The following LDB2 variants were observed in gnomAD, a reference collection of about 807,000 sequenced individuals.
LDB2 encodes the protein LIM domain binding 2.
A neutral mutation model predicts 44.3 loss-of-function variants in LDB2; 12 were observed. The ratio of observed to expected loss-of-function variants is 0.27; its 90% CI spans 0.17 to 0.44. The LOEUF (loss-of-function observed/expected upper bound fraction) is 0.44, where lower values mean the gene tolerates loss of function less well. LDB2 is among the 20% of genes least tolerant of loss of function. The pLI is 1.00. For missense variants in LDB2, 344 were observed against 473.5 expected, an observed-to-expected ratio of 0.73 and a Z score of 2.54; for synonymous variants, 164 against 174.8, an observed-to-expected ratio of 0.94 and a Z score of 0.49.
rs1560554860 is a variant in LDB2, at chr4:16,586,546, CACACAT to C, written c.532-547_532-542del. Among the ~76,000 whole-genome samples, 916 of 135,930 alleles carry C rather than the reference CACACAT, an allele frequency of 6.7e-3. 11 individuals carry two copies. Among genetic ancestry groups the C allele is most frequent in the African/African-American group, 0.023 (872 of 37,996 alleles). The allele number at this position is 135,930 out of a possible 152,430, so 89.2% of individuals were successfully genotyped here. A position where few individuals can be genotyped will look rare whatever the true frequency, so the allele number is the denominator to read the frequency against. ...CACACAAAACACACACACACACACA[CACACAT>C]ATATATGGAGAGACAGAATTCTCAC... is the stretch of plus-strand genomic sequence containing the variant. On this transcript the variant is annotated intron_variant, in intron 4 of 7. Transcript: ENST00000304523.
At chr4:16,842,262 T>A (rs893222976) in intron 1 of LDB2, among the ~76,000 whole-genome samples, 1 of 152,188 alleles carries the variant, frequency 6.6e-6, no homozygotes, top group Non-Finnish European at 1.5e-5. Flanking sequence ...AGTGGTTTCC[T>A]GACCTTGAAG....
intron 5 of LDB2, among the ~76,000 whole-genome samples, chr4:16,541,572 A>C (rs1314778097): frequency 1.3e-5 from 2 of 152,206 alleles, no homozygotes; most frequent in Non-Finnish European, 2.9e-5. Context: ...GATGACAGTC[A>C]AGTCTGTGTC....
At chr4:16,588,410 A>T (rs928645920) in intron 4 of LDB2, among the ~76,000 whole-genome samples, 3 of 152,188 alleles carry the variant, frequency 2.0e-5, no homozygotes, top group African/African-American at 7.2e-5. Flanking sequence ...AGTACTTGAT[A>T]ATGACTGGAT....
chr4:16,685,830 T>C (rs1198159676), intron 2 of LDB2, among the ~76,000 whole-genome samples: 4 of 151,992 alleles, frequency 2.6e-5, no homozygotes, highest in Non-Finnish European at 4.4e-5. Context: ...AGGTGAATCA[T>C]TTGAGGTCAG....
At chr4:16,887,410 T>C (rs186008100) in intron 1 of LDB2, among the ~76,000 whole-genome samples, 6 of 152,258 alleles carry the variant, frequency 3.9e-5, no homozygotes, top group Admixed American at 2.6e-4. Flanking sequence ...GACTAGTAGG[T>C]TCCATCAAAT....
chr4:16,804,108 A>G (rs183248876), intron 1 of LDB2, among the ~76,000 whole-genome samples: 30 of 152,290 alleles, frequency 2.0e-4, no homozygotes, highest in African/African-American at 6.7e-4. Context: ...AAATGTGTAA[A>G]TTGAAAAAAC....
chr4:16,726,967 TAAC>T (rs1251295233), intron 2 of LDB2, among the ~76,000 whole-genome samples: 1 of 152,240 alleles, frequency 6.6e-6, no homozygotes, highest in Admixed American at 6.5e-5. Flanking sequence ...AATTATTTCT[TAAC>T]AATGTTCACA....
chr4:16,686,064 A>G (rs190822760), intron 2 of LDB2, among the ~76,000 whole-genome samples: 12 of 152,270 alleles, frequency 7.9e-5, no homozygotes, highest in African/African-American at 2.9e-4. Flanking sequence ...AAAAAAGGCA[A>G]AAGTCAAAAT....
chr4:16,820,312 A>T (rs1259330017), intron 1 of LDB2, among the ~76,000 whole-genome samples: 7 of 152,104 alleles, frequency 4.6e-5, no homozygotes, highest in Non-Finnish European at 8.8e-5. Context: ...TTTATTGGGG[A>T]TCTACTTTCT....
chr4:16,604,829 G>A (rs537680735), intron 2 of LDB2, among the ~76,000 whole-genome samples: 26 of 151,744 alleles, frequency 1.7e-4, no homozygotes, highest in African/African-American at 6.0e-4. Flanking sequence ...TTCAATTATC[G>A]AACACCTTTT....
intron 1 of LDB2, among the ~76,000 whole-genome samples, chr4:16,793,928 G>A (rs16894015): frequency 0.015 from 2,208 of 152,160 alleles, 65 homozygotes; most frequent in African/African-American, 0.05. Flanking sequence ...TGCAATTAAA[G>A]CACTTATCTG....
intron 2 of LDB2, among the ~76,000 whole-genome samples, chr4:16,633,682 A>G (rs1732692531): frequency 6.6e-6 from 1 of 152,238 alleles, no homozygotes; most frequent in Non-Finnish European, 1.5e-5. Flanking sequence ...AAATGGCCTC[A>G]CTGCCCAAAG....
In LDB2 at chr4:16,679,604, G is replaced by C. The variant is rs7661306; in HGVS notation, c.235+79554C>G. 4.2e-3 allele frequency among the ~76,000 whole-genome samples: 634 copies of C among 152,286 alleles called. 5 individuals are homozygous for C. Among genetic ancestry groups the C allele is most frequent in the African/African-American group, 0.014 (588 of 41,564 alleles). ...AGAAACAGGAGCAGATGTGGGATTTGAATGTCTGTGAGCCGCCTTCAGCAC... is the reference window on the plus strand; with the variant it reads ...AGAAACAGGAGCAGATGTGGGATTTCAATGTCTGTGAGCCGCCTTCAGCAC... On this transcript the variant is annotated intron_variant, in intron 2 of 7. Coordinates refer to ENST00000304523, the MANE Select transcript of LDB2 (RefSeq NM_001290.5).
chr4:16,632,412 G>T (rs199879547), intron 2 of LDB2, among the ~76,000 whole-genome samples: 4 of 152,132 alleles, frequency 2.6e-5, no homozygotes, highest in Non-Finnish European at 5.9e-5. Flanking sequence ...CAATAAATTA[G>T]GTATTGATGG....
chr4:16,817,570 T>C (rs1456350144), intron 1 of LDB2, among the ~76,000 whole-genome samples: 1 of 152,200 alleles, frequency 6.6e-6, no homozygotes, highest in East Asian at 1.9e-4. Flanking sequence ...TAAAACCCAA[T>C]CCTCTGAGCT....
chr4:16,839,011 C>T (rs1044206465), intron 1 of LDB2, among the ~76,000 whole-genome samples: 1 of 152,228 alleles, frequency 6.6e-6, no homozygotes, highest in African/African-American at 2.4e-5. Context: ...CAAGCATATT[C>T]TGCAGAAGCA....
intron 1 of LDB2, among the ~76,000 whole-genome samples, chr4:16,846,517 T>C (rs1787038862): frequency 6.6e-6 from 1 of 152,216 alleles, no homozygotes; most frequent in Non-Finnish European, 1.5e-5. Flanking sequence ...CCTGAATGCA[T>C]GGAAATCAGA....
chr4:16,831,775 T>A (rs1204403905), intron 1 of LDB2, among the ~76,000 whole-genome samples: 2 of 152,194 alleles, frequency 1.3e-5, no homozygotes, highest in Non-Finnish European at 2.9e-5. Flanking sequence ...GGAAACTAAG[T>A]GTGACCATGT....
At position 16,690,047 on chromosome 4, in the gene LDB2, C is replaced by T. The variant is rs558866288; in HGVS notation, c.235+69111G>A. Among the ~76,000 whole-genome samples, 19 of 152,302 alleles carry T rather than the reference C, an allele frequency of 1.2e-4. No individual in the cohort carries two copies. The South Asian group carries it at 3.9e-3, about 32-fold the overall frequency. On this transcript the variant is annotated intron_variant, in intron 2 of 7. Transcript: ENST00000304523. ...GATACCTATGTGTGCACTTAGTCAACTTCAGCTAGCCAATCAAATAAATAA... is the reference window on the plus strand; with the variant it reads ...GATACCTATGTGTGCACTTAGTCAATTTCAGCTAGCCAATCAAATAAATAA...
Sources: allele counts gnomAD v4.1 joint callset (sites outside exome capture counted in the v4.1 genomes callset), GRCh38; gene constraint gnomAD v4.1.1; transcripts MANE v1.5; gene names NCBI Gene and HGNC (gene_info 2026-07-23, HGNC 2026-07-21).